The following JPH3 variants were observed in gnomAD, a reference collection of about 807,000 sequenced individuals.
The protein encoded by JPH3 is junctophilin 3.
A neutral mutation model predicts 59.6 loss-of-function variants in JPH3; 11 were observed. That is an observed-to-expected ratio of 0.18 (90% CI 0.12 to 0.31). The LOEUF is 0.31. Ranked by LOEUF, JPH3 falls within the 10% of genes least tolerant of loss-of-function variation. JPH3 has a pLI of 1.00. For synonymous variants in JPH3, 673 were observed against 483.6 expected (o/e 1.39, Z -5.14); for missense variants, 1,202 against 1,105.7 (o/e 1.09, Z -1.24).
rs188622164 is a variant in JPH3 at position 87,616,740 on chromosome 16, C to T, written c.382+13212C>T. Among the ~76,000 whole-genome samples, 892 of 152,292 alleles carry T rather than the reference C, an allele frequency of 5.9e-3. 10 individuals are homozygous for T. Among genetic ancestry groups the T allele is most frequent in the African/African-American group, 0.019 (799 of 41,532 alleles). On this transcript the variant is annotated intron_variant, in intron 1 of 4. Transcript: ENST00000284262. ...CAGTCAGGATGGGGAGCACCCGCGCCCCGGGGTCCCTTGTGTTGCCCTTTT... is the reference window on the plus strand; with the variant it reads ...CAGTCAGGATGGGGAGCACCCGCGCTCCGGGGTCCCTTGTGTTGCCCTTTT...
chr16:87,689,523 C>A (rs941654980), intron 3 of JPH3, 123 bp from the exon 4 acceptor site: 8 of 1,050,398 alleles, frequency 7.6e-6, no homozygotes, highest in African/African-American at 4.8e-5. Flanking sequence ...TGCAGCCTTT[C>A]GGTGAGTGGG....
chr16:87,608,780 C>T (rs903020603), intron 1 of JPH3, among the ~76,000 whole-genome samples: 4 of 152,142 alleles, frequency 2.6e-5, no homozygotes, highest in South Asian at 2.1e-4. Context: ...GCCACGCCTG[C>T]GATCCCAACA....
chr16:87,688,840 C>T (rs955103865), intron 3 of JPH3, among the ~76,000 whole-genome samples: 2 of 152,188 alleles, frequency 1.3e-5, no homozygotes, highest in South Asian at 2.1e-4. Context: ...GCATGGCTCC[C>T]GTGTCCCTGC....
intron 2 of JPH3, among the ~76,000 whole-genome samples, chr16:87,655,416 C>G (rs1345419048): frequency 6.6e-6 from 1 of 152,150 alleles, no homozygotes; most frequent in East Asian, 1.9e-4. Context: ...TGCAGTGGTA[C>G]GATCATAGCC....
intron 1 of JPH3, among the ~76,000 whole-genome samples, chr16:87,606,859 A>C (rs2030539900): frequency 6.6e-6 from 1 of 152,178 alleles, no homozygotes; most frequent in South Asian, 2.1e-4. Context: ...ACTGTCTGCC[A>C]AGCATGTGGC....
chr16:87,622,461 C>G (rs895436841), intron 1 of JPH3, among the ~76,000 whole-genome samples: 3 of 151,290 alleles, frequency 2.0e-5, no homozygotes, highest in Admixed American at 2.0e-4. Context: ...GGTGCTGTGG[C>G]CCTTGGCTGC....
Position 87,690,382 on chromosome 16 carries a change from C to T in JPH3, c.2022C>T (p.Ala674=), listed in dbSNP as rs763684246. 5.9e-6 allele frequency: 9 copies of T among 1,527,398 alleles called. No individual in the cohort carries two copies. The highest frequency in any genetic ancestry group is 2.6e-5 in the South Asian group (2 of 77,758). 94.6% of individuals were successfully genotyped at this position (1,527,398 alleles called of 1,614,324 possible). ...NFRPASSAEP[A]VQKLASLRLG... ...GGCCGGCCTCCTCCGCGGAGCCCGC[C>T]GTGCAGAAACTGGCGAGCCTGCGGC... The change falls in exon 4 of 5, where the codon GCC becomes GCT. Residue 674 remains alanine (A), a synonymous_variant. Transcript: ENST00000284262.
At chr16:87,654,449 CT>C (rs2032426567) in intron 2 of JPH3, 1 of 152,252 alleles carries the variant, frequency 6.6e-6, no homozygotes, top group Non-Finnish European at 1.5e-5. Flanking sequence ...AGGAGAGGAA[CT>C]TCCTAATAAA....
chr16:87,667,120 C>T (rs2032888316), intron 2 of JPH3, among the ~76,000 whole-genome samples: 1 of 152,246 alleles, frequency 6.6e-6, no homozygotes, highest in Non-Finnish European at 1.5e-5. Context: ...GCCGGCCTCC[C>T]TGGAGTGGCC....
intron 1 of JPH3, among the ~76,000 whole-genome samples, chr16:87,606,175 A>G (rs1369190906): frequency 6.6e-6 from 1 of 152,216 alleles, no homozygotes; most frequent in Non-Finnish European, 1.5e-5. Flanking sequence ...GGTGACAGCC[A>G]TGTCGCAGTG....
At chr16:87,677,263 A>C (rs2033175888) in intron 2 of JPH3, among the ~76,000 whole-genome samples, 1 of 144,136 alleles carries the variant, frequency 6.9e-6, no homozygotes, top group Non-Finnish European at 1.5e-5. Flanking sequence ...GGCGCCTGTA[A>C]TCCCAGCCAC....
intron 2 of JPH3, among the ~76,000 whole-genome samples, chr16:87,674,455 G>C (rs1013468687): frequency 6.6e-6 from 1 of 152,230 alleles, no homozygotes; most frequent in Non-Finnish European, 1.5e-5. Flanking sequence ...ACGGAGTCTT[G>C]TGCAGACATG....
At chr16:87,615,103 A>G (rs529217162) in intron 1 of JPH3, among the ~76,000 whole-genome samples, 37 of 150,416 alleles carry the variant, frequency 2.5e-4, no homozygotes, top group African/African-American at 8.9e-4. Flanking sequence ...GAATAAAGGA[A>G]GGTCCCTGCA....
At chr16:87,648,975 G>A (rs1429880538) in intron 2 of JPH3, among the ~76,000 whole-genome samples, 1 of 152,228 alleles carries the variant, frequency 6.6e-6, no homozygotes, top group Non-Finnish European at 1.5e-5. Context: ...CCGCCGGGAG[G>A]CCTTGGCCCC....
At chr16:87,676,319 T>G (rs868699754) in intron 2 of JPH3, among the ~76,000 whole-genome samples, 29 of 152,328 alleles carry the variant, frequency 1.9e-4, no homozygotes, top group Middle Eastern at 3.4e-3. Flanking sequence ...ACACTCAATT[T>G]AACAACATCT....
intron 2 of JPH3, among the ~76,000 whole-genome samples, chr16:87,647,427 C>G (rs1052019907): frequency 2.0e-5 from 3 of 152,176 alleles, no homozygotes; most frequent in Admixed American, 6.5e-5. Context: ...GATGGGTTTG[C>G]AGGCTGGTGC....
At chr16:87,695,341 G>A (rs925587779) in intron 4 of JPH3, 18 of 456,016 alleles carry the variant, frequency 3.9e-5, no homozygotes, top group African/African-American at 3.0e-4. Flanking sequence ...TTAACAGGGA[G>A]GGGGAGGAGA....
At chr16:87,679,918 C>T (rs1256851253) in intron 2 of JPH3, among the ~76,000 whole-genome samples, 1 of 152,236 alleles carries the variant, frequency 6.6e-6, no homozygotes, top group African/African-American at 2.4e-5. Flanking sequence ...TCAGCACAGC[C>T]CCCGCCCTCT....
chr16:87,606,562 A>G (rs2030529290), intron 1 of JPH3, among the ~76,000 whole-genome samples: 1 of 152,088 alleles, frequency 6.6e-6, no homozygotes, highest in Non-Finnish European at 1.5e-5. Flanking sequence ...CCTGCCCTAC[A>G]TGCCCTGTTT....
Sources: allele counts gnomAD v4.1 joint callset (sites outside exome capture counted in the v4.1 genomes callset), GRCh38; gene constraint gnomAD v4.1.1; transcripts MANE v1.5; gene names NCBI Gene and HGNC (gene_info 2026-07-23, HGNC 2026-07-21).